Variants in ANKRD36 observed in about 807,000 individuals in gnomAD.
ANKRD36 encodes the protein ankyrin repeat domain 36.
ANKRD36 carries 179 observed loss-of-function variants against 278.1 expected under a neutral mutation model. That is an observed-to-expected ratio of 0.64 (90% CI 0.57 to 0.73). ANKRD36 has a LOEUF of 0.73. Ranked by LOEUF, ANKRD36 falls within the 30% of genes least tolerant of loss-of-function variation. The probability of loss-of-function intolerance (pLI) is 0.00; values close to 1 mark genes in which losing one functional copy is unlikely to be tolerated. For synonymous variants in ANKRD36, 320 were observed against 641.1 expected (o/e 0.50, Z 7.57); for missense variants, 1,159 against 1,956.7 (o/e 0.59, Z 7.69).
chr2:97,191,100 T>A lies in ANKRD36; in HGVS notation c.2275-9T>A. ...ATTTATTTATTACTTTCTTTCAAAT[T>A]CCATTCAGGCTACAACTGATGAGAA... On this transcript the variant is annotated splice_polypyrimidine_tract_variant and intron_variant, in intron 35 of 75. Coordinates refer to ENST00000420699, the MANE Select transcript of ANKRD36 (RefSeq NM_001354587.1). 6.3e-7 allele frequency: 1 copy of A among 1,595,298 alleles called. No individual in the cohort carries two copies. Among genetic ancestry groups the A allele is most frequent in the Non-Finnish European group, 8.5e-7 (1 of 1,171,278 alleles).
chr2:97,202,522 T>A, intron 48 of ANKRD36, 129 bp downstream of exon 48: 1 of 1,418,850 alleles, frequency 7.0e-7, no homozygotes, highest in Non-Finnish European at 9.4e-7. Context: ...ATTCTTCATT[T>A]GTAGTAAGTT....
Position 97,193,407 on chromosome 2 carries a change from G to T in ANKRD36, c.2449+354G>T, listed in dbSNP as rs561575579. On this transcript the variant is annotated intron_variant, in intron 38 of 75. Transcript: ENST00000420699. ...GTATAGAATTTACACACTTCAGCTC[G>T]CACTGCCAAGAAAAGACAGAAAGCT... Among the ~76,000 whole-genome samples the T allele has an allele frequency of 5.2e-3, 707 of 135,930 alleles. 8 individuals carry two copies. Among genetic ancestry groups the T allele is most frequent in the African/African-American group, 0.017 (670 of 38,932 alleles). 89.2% of individuals were successfully genotyped at this position (135,930 alleles called of 152,430 possible).
At chr2:97,184,552 A>G (rs755443086) in intron 28 of ANKRD36, among the ~76,000 whole-genome samples, 4 of 151,740 alleles carry the variant, frequency 2.6e-5, no homozygotes, top group Non-Finnish European at 4.4e-5. Flanking sequence ...TATTGGACTG[A>G]TATCCAAATG....
intron 46 of ANKRD36, among the ~76,000 whole-genome samples, chr2:97,201,923 C>T (rs1181713222): frequency 8.6e-5 from 13 of 151,980 alleles, no homozygotes; most frequent in South Asian, 2.1e-4. Flanking sequence ...TCTCATCACT[C>T]GGCATATCCA....
rs1202332403 is a variant in ANKRD36 at position 97,200,645 on chromosome 2, T to G, written c.2857+120T>G. On this transcript the variant is annotated intron_variant, in intron 46 of 75. Transcript: ENST00000420699. ...TTCTGATTCACCAAGCTTGAGATTC[T>G]TCTTTTCTAACAAGTTCTTGGGTTA... is the stretch of plus-strand genomic sequence containing the variant. 27 of 1,456,378 alleles carry G rather than the reference T, an allele frequency of 1.9e-5. No homozygotes were observed. In the Middle Eastern group the frequency reaches 1.5e-3, roughly 79 times the overall value. The allele number at this position is 1,456,378 out of a possible 1,614,324, so 90.2% of individuals were successfully genotyped here.
At position 97,206,043 on chromosome 2, in the gene ANKRD36, T is replaced by A; in HGVS notation, c.3091-20T>A. 6.5e-7 allele frequency: 1 copy of A among 1,546,320 alleles called. No individual in the cohort carries two copies. Among genetic ancestry groups the A allele is most frequent in the Non-Finnish European group, 8.7e-7 (1 of 1,147,026 alleles). On this transcript the variant is annotated intron_variant, in intron 51 of 75. Coordinates refer to ENST00000420699, the MANE Select transcript of ANKRD36 (RefSeq NM_001354587.1). The stretch of plus-strand genomic sequence containing the variant: ...AAACATACTTTATTTATTTATTATT[T>A]TGTTTCAAATTCCATTCAGGCTACA...
chr2:97,127,100 G>A lies in ANKRD36; in HGVS notation c.765G>A (p.Lys255=), dbSNP rs1231610542. ...IFDLIYEYER[K]RYEDLPINSN... ...ATCTAATTTATGAATACGAAAGAAA[G>A]AGATATGAAGATCTTCCTATAAATA... The change falls in exon 6 of 76, where the codon AAG becomes AAA. Residue 255 remains lysine (K), a synonymous_variant. Transcript: ENST00000420699. The A allele has an allele frequency of 7.6e-7, 1 of 1,311,694 alleles. No individual in the cohort carries two copies. Among genetic ancestry groups the A allele is most frequent in the South Asian group, 1.5e-5 (1 of 67,674 alleles). The allele number at this position is 1,311,694 out of a possible 1,614,324, so 81.3% of individuals were successfully genotyped here.
At chr2:97,134,359 A>G (rs1003644227) in intron 6 of ANKRD36, among the ~76,000 whole-genome samples, 8 of 152,076 alleles carry the variant, frequency 5.3e-5, no homozygotes, top group African/African-American at 1.9e-4. Context: ...CATGCTGTGT[A>G]CTACACAGCA....
chr2:97,228,227 G>T (rs560796032), intron 67 of ANKRD36, among the ~76,000 whole-genome samples: 17 of 152,206 alleles, frequency 1.1e-4, no homozygotes, highest in African/African-American at 4.1e-4. Flanking sequence ...CTTCCTCCTT[G>T]TACCTCTGGT....
chr2:97,211,890 C>T (rs1336015171), intron 58 of ANKRD36, 149 bp downstream of exon 58: 12 of 1,110,966 alleles, frequency 1.1e-5, no homozygotes, highest in African/African-American at 1.6e-5. Context: ...TCTCGGGTGA[C>T]CCTGATGCTG....
chr2:97,212,303 C>T (rs1426125014), intron 58 of ANKRD36, among the ~76,000 whole-genome samples: 4 of 151,888 alleles, frequency 2.6e-5, no homozygotes, highest in Non-Finnish European at 4.4e-5. Flanking sequence ...GGAACATTTG[C>T]ATAAAAGAAG....
intron 72 of ANKRD36, chr2:97,248,221 A>G (rs1480287149): frequency 8.0e-6 from 1 of 125,642 alleles, no homozygotes; most frequent in Non-Finnish European, 1.5e-5. Flanking sequence ...CTCTGTCTCT[A>G]TATGAATATG....
intron 30 of ANKRD36, among the ~76,000 whole-genome samples, chr2:97,185,951 T>G (rs370020753): frequency 6.6e-6 from 1 of 151,782 alleles, no homozygotes; most frequent in Admixed American, 6.6e-5. Flanking sequence ...ATGTAGCAAT[T>G]ATTTTCCTCA....
At chr2:97,125,795 C>A (rs2038455948) in intron 5 of ANKRD36, among the ~76,000 whole-genome samples, 1 of 151,956 alleles carries the variant, frequency 6.6e-6, no homozygotes, top group African/African-American at 2.4e-5. Flanking sequence ...TCACAGGAAG[C>A]CATTCATCGG....
intron 68 of ANKRD36, among the ~76,000 whole-genome samples, chr2:97,240,624 G>C (rs1406414674): frequency 9.8e-6 from 1 of 101,922 alleles, no homozygotes; most frequent in African/African-American, 4.4e-5. Context: ...TCTGTCAAAA[G>C]AGCTGGGATA....
intron 6 of ANKRD36, among the ~76,000 whole-genome samples, chr2:97,131,488 C>T (rs12105727): frequency 0.19 from 28,231 of 151,942 alleles, 4,020 homozygotes; most frequent in African/African-American, 0.4. Flanking sequence ...CACGAGCCAT[C>T]GTGCTGGTCT....
chr2:97,205,580 T>A (rs1241113011), intron 50 of ANKRD36, among the ~76,000 whole-genome samples: 1 of 151,516 alleles, frequency 6.6e-6, no homozygotes, highest in Non-Finnish European at 1.5e-5. Flanking sequence ...ACATGTGGGA[T>A]CATGTAGCAC....
At chr2:97,205,497 T>C (rs1021335612) in intron 50 of ANKRD36, among the ~76,000 whole-genome samples, 1 of 151,498 alleles carries the variant, frequency 6.6e-6, no homozygotes, top group African/African-American at 2.4e-5. Flanking sequence ...TTCTCAGTTA[T>C]TGGGCATGTT....
At chr2:97,197,683 T>A (rs1260159345) in intron 42 of ANKRD36, among the ~76,000 whole-genome samples, 10 of 151,920 alleles carry the variant, frequency 6.6e-5, no homozygotes, top group South Asian at 2.1e-4. Flanking sequence ...TGAGTATTGC[T>A]GTGATTTCTG....
Sources: allele counts gnomAD v4.1 joint callset (sites outside exome capture counted in the v4.1 genomes callset), GRCh38; gene constraint gnomAD v4.1.1; transcripts MANE v1.5; gene names NCBI Gene and HGNC (gene_info 2026-07-23, HGNC 2026-07-21).